Variants in ZNF644 observed in about 807,000 individuals in gnomAD.
The protein encoded by ZNF644 is zinc finger protein 644.
Under a neutral mutation model 108.0 loss-of-function variants are expected in ZNF644, and 20 were observed. The ratio of observed to expected loss-of-function variants is 0.19; its 90% CI spans 0.13 to 0.27. ZNF644 has a LOEUF of 0.27. Ranked by LOEUF, ZNF644 falls within the 10% of genes least tolerant of loss-of-function variation. The pLI, the probability that ZNF644 is intolerant of heterozygous loss-of-function variation, is 1.00. For missense variants in ZNF644, 1,338 were observed against 1,548.9 expected, an observed-to-expected ratio of 0.86 and a Z score of 2.29; for synonymous variants, 542 against 539.1, an observed-to-expected ratio of 1.01 and a Z score of -0.08.
chr1:90,992,922 T>G (rs1262031579), intron 1 of ZNF644, among the ~76,000 whole-genome samples: 1 of 152,116 alleles, frequency 6.6e-6, no homozygotes, highest in Non-Finnish European at 1.5e-5. Context: ...TGCATGTCTG[T>G]GGTCCTAGCT....
intron 1 of ZNF644, among the ~76,000 whole-genome samples, chr1:90,988,452 T>C (rs1321150317): frequency 6.6e-6 from 1 of 152,116 alleles, no homozygotes; most frequent in Non-Finnish European, 1.5e-5. Flanking sequence ...TGTTAAAATG[T>C]CCATACTACC....
rs780380849 is a variant in ZNF644, at chr1:90,916,762, C to A, written c.*36G>T. 4 of 1,607,010 alleles carry A rather than the reference C, an allele frequency of 2.5e-6. No individual in the cohort carries two copies. The highest frequency in any genetic ancestry group is 3.4e-6 in the Non-Finnish European group (4 of 1,174,458). On this transcript the variant is annotated 3_prime_UTR_variant, in exon 6 of 6. Coordinates refer to ENST00000337393, the MANE Select transcript of ZNF644 (RefSeq NM_201269.3). ...AAAAAAAAGAATTTCAAATTTACAT[C>A]CAATTCAAACTGGCTATTTAAAAGG...
chr1:90,930,330 C>G (rs2100862952), intron 4 of ZNF644, among the ~76,000 whole-genome samples: 1 of 152,190 alleles, frequency 6.6e-6, no homozygotes, highest in African/African-American at 2.4e-5. Context: ...TGAAATGAAG[C>G]CCCTCCCAAA....
intron 2 of ZNF644, chr1:90,973,181 T>C (rs1655670509): frequency 6.6e-6 from 1 of 151,424 alleles, no homozygotes; most frequent in African/African-American, 2.4e-5. Context: ...GATCAATAAA[T>C]AACAAATATG....
At position 90,940,412 on chromosome 1, in the gene ZNF644, T is replaced by C; in HGVS notation, c.942A>G (p.Val314=). Residue 314 remains valine, a synonymous_variant, in exon 3 of 6, where the codon GTA becomes GTG. Coordinates refer to ENST00000337393, the MANE Select transcript of ZNF644 (RefSeq NM_201269.3). The part of the protein sequence containing the change: ...TEDCFSDSNC[V]PNKSKMQEVD... ...CTTCTTGCATTTTTGATTTATTGGG[T>C]ACACAATTAGAATCACTAAAGCAAT... 2 of 1,613,698 alleles carry C rather than the reference T, an allele frequency of 1.2e-6. No individual in the cohort carries two copies. The highest frequency in any genetic ancestry group is 1.1e-5 in the South Asian group (1 of 91,072).
At chr1:91,019,854 C>T (rs1220945781) in intron 1 of ZNF644, among the ~76,000 whole-genome samples, 1 of 152,184 alleles carries the variant, frequency 6.6e-6, no homozygotes, top group African/African-American at 2.4e-5. Context: ...CGTGAGCCAC[C>T]GTGCCAGGCC....
chr1:90,972,174 G>A (rs576160954), intron 2 of ZNF644, among the ~76,000 whole-genome samples: 2 of 152,218 alleles, frequency 1.3e-5, no homozygotes, highest in East Asian at 1.9e-4. Context: ...AAAAATTTTT[G>A]TGCAACAAAA....
rs185630627 is a variant in ZNF644, at chr1:90,989,626, A to G, written c.-17-7256T>C. ...AATCTAAACTACAAGATATCACCTT[A>G]CATCCACTAGAGGCTGTTATTTTTA... On this transcript the variant is annotated intron_variant, in intron 1 of 5. Coordinates refer to ENST00000337393, the MANE Select transcript of ZNF644 (RefSeq NM_201269.3). Among the ~76,000 whole-genome samples the G allele has an allele frequency of 1.7e-3, 253 of 152,352 alleles. 2 individuals carry two copies. Among genetic ancestry groups the G allele is most frequent in the African/African-American group, 6.0e-3 (249 of 41,578 alleles).
chr1:90,996,640 G>C (rs371722847), intron 1 of ZNF644, among the ~76,000 whole-genome samples: 21 of 152,212 alleles, frequency 1.4e-4, no homozygotes, highest in African/African-American at 5.1e-4. Context: ...TAAAAATTAG[G>C]CATGTTGGCA....
At position 90,939,493 on chromosome 1, in the gene ZNF644, G is replaced by A. The variant is rs1030283169; in HGVS notation, c.1861C>T (p.Leu621Phe). 6.2e-7 allele frequency: 1 copy of A among 1,613,660 alleles called. No homozygotes were observed. Among genetic ancestry groups the A allele is most frequent in the African/African-American group, 1.3e-5 (1 of 74,902 alleles). Reference protein sequence around the residue: ...SSCVDSFGSPLGLDKRKNDIL... With the variant: ...SSCVDSFGSPFGLDKRKNDIL... Reference sequence around the variant, plus strand: ...TCATTTTTTCTTTTATCAAGTCCAAGAGGACTACCAAATGAATCAACACAT... The same window carrying A: ...TCATTTTTTCTTTTATCAAGTCCAAAAGGACTACCAAATGAATCAACACAT... Residue 621 changes from leucine to phenylalanine, a missense_variant, in exon 3 of 6, where the codon CTT becomes TTT. Leu to Phe is a conservative substitution (Grantham distance 22, BLOSUM62 0). Around this residue, in one of 6 missense-constraint regions of ZNF644, gnomAD observed 462 missense variants for 472.6 expected, o/e 0.98. Transcript: ENST00000337393.
At chr1:90,974,383 C>T (rs978419307) in intron 2 of ZNF644, among the ~76,000 whole-genome samples, 10 of 152,194 alleles carry the variant, frequency 6.6e-5, no homozygotes, top group Admixed American at 5.2e-4. Context: ...ATTCTCACAT[C>T]TCGAGTTATA....
At chr1:90,978,211 G>C (rs759028592) in intron 2 of ZNF644, among the ~76,000 whole-genome samples, 1 of 152,092 alleles carries the variant, frequency 6.6e-6, no homozygotes, top group South Asian at 2.1e-4. Flanking sequence ...AATTAGCCAG[G>C]TGTGGTGGCA....
chr1:90,918,332 A>G (rs1649037902), intron 4 of ZNF644, 178 bp from the exon 5 acceptor site: 2 of 646,480 alleles, frequency 3.1e-6, no homozygotes, highest in Non-Finnish European at 2.8e-6. Flanking sequence ...CAGTAATATT[A>G]TCTGTACTGT....
chr1:90,990,853 A>G (rs1406361049), intron 1 of ZNF644, among the ~76,000 whole-genome samples: 1 of 152,154 alleles, frequency 6.6e-6, no homozygotes, highest in African/African-American at 2.4e-5. Context: ...TCAGTGGGAA[A>G]ACAAAGTAAT....
intron 2 of ZNF644, among the ~76,000 whole-genome samples, chr1:90,980,150 G>A (rs991045638): frequency 1.3e-5 from 2 of 152,158 alleles, no homozygotes; most frequent in Non-Finnish European, 2.9e-5. Flanking sequence ...CCAGCACTGT[G>A]CTAAGATAAA....
intron 2 of ZNF644, among the ~76,000 whole-genome samples, chr1:90,980,157 T>C (rs920884707): frequency 1.3e-5 from 2 of 152,166 alleles, no homozygotes; most frequent in African/African-American, 4.8e-5. Flanking sequence ...TGTGCTAAGA[T>C]AAACGAGACA....
chr1:91,018,964 AAAATG>A (rs1660655329), intron 1 of ZNF644, among the ~76,000 whole-genome samples: 1 of 152,252 alleles, frequency 6.6e-6, no homozygotes, highest in African/African-American at 2.4e-5. Context: ...TAATTTTCAC[AAAATG>A]AAAGTGTAAG....
chr1:90,957,051 A>G (rs1279433774), intron 2 of ZNF644, among the ~76,000 whole-genome samples: 1 of 152,198 alleles, frequency 6.6e-6, no homozygotes, highest in Non-Finnish European at 1.5e-5. Flanking sequence ...GATAATCTAG[A>G]TGAAACAGAA....
chr1:90,941,112 T>C lies in ZNF644; in HGVS notation c.242A>G (p.Asp81Gly). ...TCCACTTAAGGCGTTTTCAGATTTGTCCTTTGACAGTTCTTCAGGCAGAGT... is the reference window on the plus strand; with the variant it reads ...TCCACTTAAGGCGTTTTCAGATTTGCCCTTTGACAGTTCTTCAGGCAGAGT... ...TLTLPEELSKDKSENALSGGQ... is the reference protein window; with the variant it reads ...TLTLPEELSKGKSENALSGGQ... The change falls in exon 3 of 6, where the codon GAC becomes GGC. Residue 81 changes from aspartate to glycine, a missense_variant. Coordinates refer to ENST00000337393, the MANE Select transcript of ZNF644 (RefSeq NM_201269.3). 6.2e-7 allele frequency: 1 copy of C among 1,614,110 alleles called. No homozygotes were observed. The highest frequency in any genetic ancestry group is 1.1e-5 in the South Asian group (1 of 91,082).
Sources: allele counts gnomAD v4.1 joint callset (sites outside exome capture counted in the v4.1 genomes callset), GRCh38; gene constraint gnomAD v4.1.1; regional missense constraint gnomAD v4.1.1; transcripts MANE v1.5; gene names NCBI Gene and HGNC (gene_info 2026-07-23, HGNC 2026-07-21).